Variants in CSMD1 observed in about 807,000 individuals in gnomAD.
CSMD1 encodes CUB and sushi domain-containing protein 1.
A neutral mutation model predicts 417.5 loss-of-function variants in CSMD1; 213 were observed. The observed-to-expected ratio is 0.51, with a 90% CI of 0.46 to 0.57. The LOEUF (loss-of-function observed/expected upper bound fraction) is 0.57. Among genes scored for constraint, CSMD1 ranks in the 20% least tolerant of loss-of-function variants. The pLI, the probability that CSMD1 is intolerant of heterozygous loss-of-function variation, is 0.00. For synonymous variants in CSMD1, 2,862 were observed against 1,736.8 expected (o/e 1.65, Z -16.11); for missense variants, 6,923 against 4,529.7 (o/e 1.53, Z -15.17).
chr8:4,213,747 C>T (rs944588846), intron 3 of CSMD1, among the ~76,000 whole-genome samples: 3 of 152,118 alleles, frequency 2.0e-5, no homozygotes, highest in Admixed American at 6.5e-5. Context: ...TGGGGTAGAA[C>T]ATGGCTGAGA....
At chr8:4,685,711 A>G (rs2116735330) in intron 1 of CSMD1, among the ~76,000 whole-genome samples, 1 of 152,356 alleles carries the variant, frequency 6.6e-6, no homozygotes, top group Non-Finnish European at 1.5e-5. Flanking sequence ...GTGAAACGGT[A>G]AAATAAATTC....
intron 7 of CSMD1, among the ~76,000 whole-genome samples, chr8:3,657,165 T>A (rs1304127113): frequency 6.6e-6 from 1 of 152,124 alleles, no homozygotes; most frequent in Non-Finnish European, 1.5e-5. Context: ...AAAAGTAAAT[T>A]TACATCCTAC....
At chr8:3,953,052 G>C (rs536744519) in intron 5 of CSMD1, among the ~76,000 whole-genome samples, 1 of 151,770 alleles carries the variant, frequency 6.6e-6, no homozygotes, top group East Asian at 1.9e-4. Context: ...TATAATCAAT[G>C]AAAAGAACAG....
chr8:3,943,063 A>G (rs940328230), intron 5 of CSMD1, among the ~76,000 whole-genome samples: 2 of 152,146 alleles, frequency 1.3e-5, no homozygotes, highest in Non-Finnish European at 2.9e-5. Context: ...GATAAATGCA[A>G]TAAAATCTCT....
chr8:3,847,037 G>C (rs928889026), intron 5 of CSMD1, among the ~76,000 whole-genome samples: 2 of 152,094 alleles, frequency 1.3e-5, no homozygotes, highest in Admixed American at 1.3e-4. Flanking sequence ...ATGCCTCTTA[G>C]CAATCTAGTC....
intron 41 of CSMD1, among the ~76,000 whole-genome samples, chr8:3,119,790 C>T (rs1817090334): frequency 6.6e-6 from 1 of 152,168 alleles, no homozygotes; most frequent in African/African-American, 2.4e-5. Flanking sequence ...AAAGCCACAC[C>T]ATGCAGCACC....
At chr8:3,745,770 T>A (rs1046231436) in intron 6 of CSMD1, among the ~76,000 whole-genome samples, 1 of 152,196 alleles carries the variant, frequency 6.6e-6, no homozygotes, top group East Asian at 1.9e-4. Flanking sequence ...AGAAGCCTGA[T>A]TCAGATCATT....
At chr8:4,690,954 C>A (rs775814510) in intron 1 of CSMD1, among the ~76,000 whole-genome samples, 1 of 152,166 alleles carries the variant, frequency 6.6e-6, no homozygotes, top group Non-Finnish European at 1.5e-5. Context: ...GTCTTGCTCT[C>A]TTGAGCTCAT....
chr8:4,488,303 A>G (rs1172924247), intron 2 of CSMD1, among the ~76,000 whole-genome samples: 1 of 152,180 alleles, frequency 6.6e-6, no homozygotes, highest in Non-Finnish European at 1.5e-5. Context: ...ATATAACCAC[A>G]GGAGTAGTTA....
intron 50 of CSMD1, among the ~76,000 whole-genome samples, chr8:3,044,185 T>C (rs766800901): frequency 1.3e-5 from 2 of 152,232 alleles, no homozygotes; most frequent in Non-Finnish European, 2.9e-5. Context: ...TAGTGAGCAT[T>C]TGTAAATAAC....
intron 61 of CSMD1, 107 bp downstream of exon 61, chr8:2,962,359 T>C (rs1329468514): frequency 2.0e-6 from 2 of 990,968 alleles, no homozygotes; most frequent in African/African-American, 3.3e-5. Flanking sequence ...CAGAAAACTG[T>C]CTATGGAAAC....
intron 3 of CSMD1, among the ~76,000 whole-genome samples, chr8:4,318,368 C>A (rs1340532792): frequency 2.0e-5 from 3 of 152,076 alleles, no homozygotes; most frequent in African/African-American, 7.2e-5. Flanking sequence ...CACACATGTG[C>A]ACACTCTCGT....
intron 11 of CSMD1, among the ~76,000 whole-genome samples, chr8:3,481,154 CAAAAAA>C (rs1221192557): frequency 4.3e-5 from 3 of 69,444 alleles, no homozygotes. Flanking sequence ...GACTCCATCT[CAAAAAA>C]AAAAAAAAAA....
At chr8:3,952,551 A>C (rs1811661781) in intron 5 of CSMD1, among the ~76,000 whole-genome samples, 1 of 152,206 alleles carries the variant, frequency 6.6e-6, no homozygotes, top group African/African-American at 2.4e-5. Context: ...TTAACAGTAT[A>C]AATTCACAGA....
At position 4,738,159 on chromosome 8, in the gene CSMD1, GGTTA is replaced by G. The variant is rs568696517; in HGVS notation, c.86-100605_86-100602del. Among the ~76,000 whole-genome samples the G allele has an allele frequency of 1.3e-4, 20 of 152,220 alleles. No individual in the cohort carries two copies. The South Asian group carries it at 3.9e-3, about 30-fold the overall frequency. On this transcript the variant is annotated intron_variant, in intron 1 of 69. Transcript: ENST00000635120. ...TCAAACAGAATTAAACAGAATATCA[GGTTA>G]GTTTATTTGGTTTGATAGACTTTCA...
chr8:4,684,828 T>C (rs1195376349), intron 1 of CSMD1, among the ~76,000 whole-genome samples: 2 of 152,224 alleles, frequency 1.3e-5, no homozygotes, highest in Admixed American at 1.3e-4. Context: ...GATAGCTTAT[T>C]CATGTTAAAG....
intron 2 of CSMD1, among the ~76,000 whole-genome samples, chr8:4,459,554 T>C (rs978484679): frequency 4.6e-5 from 7 of 152,200 alleles, no homozygotes; most frequent in African/African-American, 1.7e-4. Context: ...GTGCTTTCAC[T>C]AGAGCTGCAG....
intron 1 of CSMD1, among the ~76,000 whole-genome samples, chr8:4,952,820 C>T (rs139831573): frequency 3.3e-5 from 5 of 152,068 alleles, no homozygotes; most frequent in African/African-American, 7.2e-5. Context: ...CAGTAATCAG[C>T]GTTTTTAATA....
chr8:4,012,027 A>G (rs1816580349), intron 4 of CSMD1, among the ~76,000 whole-genome samples: 1 of 151,702 alleles, frequency 6.6e-6, no homozygotes, highest in Non-Finnish European at 1.5e-5. Flanking sequence ...AATGACAAGG[A>G]AAAAAAAAGT....
Sources: allele counts gnomAD v4.1 joint callset (sites outside exome capture counted in the v4.1 genomes callset), GRCh38; gene constraint gnomAD v4.1.1; transcripts MANE v1.5; gene names NCBI Gene and HGNC (gene_info 2026-07-23, HGNC 2026-07-21).